The following SEC14L6 variants were observed in gnomAD, a reference collection of about 807,000 sequenced individuals.
SEC14L6 encodes SEC14-like protein 6.
SEC14L6 carries 40 observed loss-of-function variants against 54.1 expected under a neutral mutation model. The observed-to-expected ratio is 0.74, with a 90% CI of 0.57 to 0.96. The LOEUF (loss-of-function observed/expected upper bound fraction) is 0.96. SEC14L6 is among the 40% of genes least tolerant of loss of function. The probability of loss-of-function intolerance (pLI) is 0.00; values close to 1 mark genes in which losing one functional copy is unlikely to be tolerated. For missense variants in SEC14L6, 471 were observed against 498.3 expected (o/e 0.95, Z 0.52); for synonymous variants, 171 against 198.4 (o/e 0.86, Z 1.16).
intron 8 of SEC14L6, among the ~76,000 whole-genome samples, chr22:30,528,183 C>T (rs1192554725): frequency 9.0e-5 from 13 of 144,192 alleles, no homozygotes; most frequent in African/African-American, 2.1e-4. Flanking sequence ...AGTGCACTGG[C>T]GCGATCTCAG....
At chr22:30,534,864 A>C (rs1056785931) in intron 2 of SEC14L6, among the ~76,000 whole-genome samples, 2 of 152,018 alleles carry the variant, frequency 1.3e-5, no homozygotes, top group Non-Finnish European at 2.9e-5. Flanking sequence ...GTCTGTACTA[A>C]AAGTACAAAA....
intron 8 of SEC14L6, among the ~76,000 whole-genome samples, chr22:30,528,028 G>A (rs1401952040): frequency 6.6e-6 from 1 of 151,574 alleles, no homozygotes; most frequent in Non-Finnish European, 1.5e-5. Flanking sequence ...TAGTTCGCTG[G>A]GTGACAGGAT....
chr22:30,537,613 G>A (rs764217), intron 2 of SEC14L6, among the ~76,000 whole-genome samples: 6 of 152,026 alleles, frequency 3.9e-5, no homozygotes, highest in Non-Finnish European at 7.4e-5. Context: ...GAGAGAGAGC[G>A]AGCGAGCAAG....
intron 1 of SEC14L6, among the ~76,000 whole-genome samples, chr22:30,540,241 C>A (rs1017217277): frequency 6.6e-6 from 1 of 152,164 alleles, no homozygotes; most frequent in Non-Finnish European, 1.5e-5. Context: ...TGGTGATGCG[C>A]CTTCTTAGCC....
At chr22:30,529,555 GTC>G (rs1359477689) in intron 6 of SEC14L6, among the ~76,000 whole-genome samples, 5 of 152,032 alleles carry the variant, frequency 3.3e-5, no homozygotes, top group African/African-American at 1.2e-4. Flanking sequence ...TTGGATCCTA[GTC>G]ATAGACCTTC....
At chr22:30,541,555 A>G (rs1038665766) in intron 1 of SEC14L6, among the ~76,000 whole-genome samples, 5 of 152,204 alleles carry the variant, frequency 3.3e-5, no homozygotes, top group African/African-American at 1.2e-4. Context: ...GCTACTCAGG[A>G]CGCTGAGGCA....
At chr22:30,542,659 GGTGAGGAGGAGCTGCAGGTGATTCA>G in intron 1 of SEC14L6, 2 of 1,523,692 alleles carry the variant, frequency 1.3e-6, no homozygotes. Flanking sequence ...AGGAGTGGCG[GGTGAGGAGGAGCTGCAGGTGATTCA>G]GCCTGAGAAG....
intron 1 of SEC14L6, among the ~76,000 whole-genome samples, chr22:30,545,398 ATT>A (rs963655367): frequency 2.1e-5 from 3 of 144,776 alleles, no homozygotes; most frequent in African/African-American, 2.5e-5. Flanking sequence ...CAAAACACTC[ATT>A]TTTTTTTTTT....
In SEC14L6 at chr22:30,545,236, C is replaced by T. The variant is rs371438293; in HGVS notation, c.54+1393G>A. Reference sequence around the variant, plus strand: ...GCCTCCTCCAGCTCATAGCTGAGGACGTGACCTGCCAATGCAGCCTCCCCA... The same window carrying T: ...GCCTCCTCCAGCTCATAGCTGAGGATGTGACCTGCCAATGCAGCCTCCCCA... On this transcript the variant is annotated intron_variant, in intron 1 of 11. Transcript: ENST00000402034. Among the ~76,000 whole-genome samples, 8 of 152,306 alleles carry T rather than the reference C, an allele frequency of 5.3e-5. No individual in the cohort carries two copies. The East Asian group carries it at 7.7e-4, about 15-fold the overall frequency.
intron 1 of SEC14L6, chr22:30,543,987 G>A: frequency 6.2e-7 from 1 of 1,602,502 alleles, no homozygotes; most frequent in Non-Finnish European, 8.5e-7. Flanking sequence ...ATGCTGACCT[G>A]GACATGGTGC....
At chr22:30,525,551 C>T (rs1470123049) in intron 10 of SEC14L6, 32 bp from the exon 11 acceptor site, 1 of 1,610,810 alleles carries the variant, frequency 6.2e-7, no homozygotes, top group Non-Finnish European at 8.5e-7. Flanking sequence ...TGGCGACCCC[C>T]TGCCTGGGCT....
intron 6 of SEC14L6, among the ~76,000 whole-genome samples, chr22:30,529,750 C>T (rs1255348702): frequency 3.9e-5 from 6 of 152,042 alleles, no homozygotes; most frequent in East Asian, 1.9e-4. Context: ...GGCCTAGTGC[C>T]GATTCTTGAC....
intron 2 of SEC14L6, among the ~76,000 whole-genome samples, chr22:30,534,586 A>T (rs1937085927): frequency 6.6e-6 from 1 of 151,612 alleles, no homozygotes; most frequent in Non-Finnish European, 1.5e-5. Flanking sequence ...TAATTTTTGT[A>T]TTTTAGTAGA....
At chr22:30,528,045 C>T (rs1270710126) in intron 8 of SEC14L6, among the ~76,000 whole-genome samples, 1 of 151,688 alleles carries the variant, frequency 6.6e-6, no homozygotes. Context: ...GGATATTCCC[C>T]CCTTCCTTAT....
In SEC14L6 at chr22:30,525,466, G is replaced by T. The variant is rs1015065877; in HGVS notation, c.965C>A (p.Thr322Asn). 3 of 1,613,992 alleles carry T rather than the reference G, an allele frequency of 1.9e-6. No individual in the cohort carries two copies. Among genetic ancestry groups the T allele is most frequent in the Non-Finnish European group, 2.5e-6 (3 of 1,180,028 alleles). The part of the protein sequence containing the change: ...GDIGFGVFLK[T>N]KMGERQRARE... ...AGCCCTCTGCCGCTCCCCCATCTTG[G>T]TCTTCAGGAAAACCCCAAAGCCAAT... Residue 322 changes from threonine (T) to asparagine (N), a missense_variant, in exon 11 of 12, where the codon ACC becomes AAC. By Grantham distance (65) the Thr-to-Asn change is moderately conservative. Transcript: ENST00000402034.
intron 2 of SEC14L6, among the ~76,000 whole-genome samples, chr22:30,536,920 A>G (rs2085609456): frequency 6.9e-6 from 1 of 145,564 alleles, no homozygotes; most frequent in African/African-American, 2.5e-5. Context: ...GCTACTCAGG[A>G]GGCTGAGGCA....
Position 30,525,238 on chromosome 22 carries a change from A to C in SEC14L6, c.1081+112T>G, listed in dbSNP as rs115829877. ...CAATTGAGAGCCCAGAGCCAGCCTCACACTGTGCCCACCAGAACCAAGGGC... is the reference window on the plus strand; with the variant it reads ...CAATTGAGAGCCCAGAGCCAGCCTCCCACTGTGCCCACCAGAACCAAGGGC... On this transcript the variant is annotated intron_variant, in intron 11 of 11. Coordinates refer to ENST00000402034, the MANE Select transcript of SEC14L6 (RefSeq NM_001193336.4). 2.5e-3 allele frequency: 3,475 copies of C among 1,390,978 alleles called. 63 individuals carry two copies. In the African/African-American group the frequency reaches 0.04, roughly 16 times the overall value. The allele number at this position is 1,390,978 out of a possible 1,614,324, so 86.2% of individuals were successfully genotyped here.
intron 1 of SEC14L6, among the ~76,000 whole-genome samples, chr22:30,541,075 A>T (rs1432619205): frequency 6.6e-6 from 1 of 151,850 alleles, no homozygotes; most frequent in East Asian, 1.9e-4. Context: ...TAACAGCTTT[A>T]TGGGGATATA....
chr22:30,538,769 C>A, intron 2 of SEC14L6, 58 bp downstream of exon 2: 1 of 1,186,386 alleles, frequency 8.4e-7, no homozygotes, highest in Non-Finnish European at 1.2e-6. Flanking sequence ...CAATAGATAC[C>A]AAATACACTC....
Sources: allele counts gnomAD v4.1 joint callset (sites outside exome capture counted in the v4.1 genomes callset), GRCh38; gene constraint gnomAD v4.1.1; transcripts MANE v1.5; gene names NCBI Gene and HGNC (gene_info 2026-07-23, HGNC 2026-07-21).